Variants in ANAPC7 observed in about 807,000 individuals in gnomAD.
ANAPC7 encodes anaphase-promoting complex subunit 7.
Under a neutral mutation model 63.3 loss-of-function variants are expected in ANAPC7, and 25 were observed. That is an observed-to-expected ratio of 0.39 (90% CI 0.29 to 0.55). ANAPC7 has a LOEUF of 0.55. Among genes scored for constraint, ANAPC7 ranks in the 20% least tolerant of loss-of-function variants. The probability of loss-of-function intolerance (pLI) is 0.57; values close to 1 mark genes in which losing one functional copy is unlikely to be tolerated. For missense variants in ANAPC7, 516 were observed against 691.7 expected (o/e 0.75, Z 2.85); for synonymous variants, 241 against 251.7 (o/e 0.96, Z 0.40).
In ANAPC7 at chr12:110,403,630, T is replaced by G. The variant is rs1203798450; in HGVS notation, c.-3A>C. ...CGCACGTGGTCTATCACATTCATCCTGCTCTGCAAAGCCGCGGGCAGCGGC... is the reference window on the plus strand; with the variant it reads ...CGCACGTGGTCTATCACATTCATCCGGCTCTGCAAAGCCGCGGGCAGCGGC... On this transcript the variant is annotated 5_prime_UTR_variant, in exon 1 of 11. Transcript: ENST00000455511. 1.0e-5 allele frequency: 16 copies of G among 1,599,714 alleles called. No individual in the cohort carries two copies. The highest frequency in any genetic ancestry group is 1.3e-5 in the Non-Finnish European group (15 of 1,173,332).
chr12:110,381,970 A>AAC, intron 7 of ANAPC7, 22 bp from the exon 8 acceptor site: 1 of 1,510,684 alleles, frequency 6.6e-7, no homozygotes, highest in South Asian at 1.3e-5. Context: ...AAAAAAAAAA[A>AAC]AAACACAAAA....
chr12:110,379,495 G>A (rs1881617331), intron 8 of ANAPC7, among the ~76,000 whole-genome samples: 1 of 152,230 alleles, frequency 6.6e-6, no homozygotes, highest in Non-Finnish European at 1.5e-5. Context: ...TAGGCATGCA[G>A]TATAATGGAA....
intron 1 of ANAPC7, among the ~76,000 whole-genome samples, chr12:110,402,303 G>A (rs1004929367): frequency 2.6e-5 from 4 of 152,140 alleles, no homozygotes; most frequent in African/African-American, 9.7e-5. Context: ...AGAGGCCATG[G>A]GAAAGAATTT....
Position 110,381,804 on chromosome 12 carries a change from G to T in ANAPC7, c.1080C>A (p.Ile360=), listed in dbSNP as rs1566263088. 1 of 1,613,978 alleles carries T rather than the reference G, an allele frequency of 6.2e-7. No homozygotes were observed. The highest frequency in any genetic ancestry group is 1.7e-5 in the Admixed American group (1 of 60,008). ...CGAGCCGTATGGCCTCCCGAAAGTG[G>T]ATTATTGCTTCTTGGACTCTGCCCA... ...RNMGRVQEAI[I]HFREAIRLAP... The change falls in exon 8 of 11, where the codon ATC becomes ATA. Residue 360 remains isoleucine (I), a synonymous_variant. Coordinates refer to ENST00000455511, the MANE Select transcript of ANAPC7 (RefSeq NM_016238.3).
At chr12:110,380,187 C>CT (rs1307887066) in intron 8 of ANAPC7, among the ~76,000 whole-genome samples, 1 of 151,912 alleles carries the variant, frequency 6.6e-6, no homozygotes, top group African/African-American at 2.4e-5. Flanking sequence ...CCCATCTCTA[C>CT]TAAAAATACA....
At chr12:110,389,794 T>TGGTGGCGGGCGC (rs1882945588) in intron 3 of ANAPC7, among the ~76,000 whole-genome samples, 1 of 151,672 alleles carries the variant, frequency 6.6e-6, no homozygotes, top group Admixed American at 6.6e-5. Context: ...TAGCTGGGCG[T>TGGTGGCGGGCGC]GGTGGCGGGC....
Position 110,374,034 on chromosome 12 carries a change from A to C in ANAPC7, c.*110T>G. 1.6e-6 allele frequency: 2 copies of C among 1,276,162 alleles called. No homozygotes were observed. The highest frequency in any genetic ancestry group is 4.8e-5 in the Admixed American group (2 of 41,702). 79.1% of individuals were successfully genotyped at this position (1,276,162 alleles called of 1,614,324 possible). ...GCGAGGGGGCAGAGACCCCTGCTGC[A>C]ATCACATGCTGAATCATTGTCCTTC... On this transcript the variant is annotated 3_prime_UTR_variant, in exon 11 of 11. Transcript: ENST00000455511.
At chr12:110,396,116 G>T in intron 2 of ANAPC7, 150 bp downstream of exon 2, 1 of 676,802 alleles carries the variant, frequency 1.5e-6, no homozygotes, top group Non-Finnish European at 2.5e-6. Flanking sequence ...GCGGAGCTCA[G>T]GCAGTAATAT....
chr12:110,375,682 A>G, intron 10 of ANAPC7: 5 of 946,108 alleles, frequency 5.3e-6, no homozygotes, highest in Non-Finnish European at 5.0e-6. Context: ...TCAAGTTCTT[A>G]ATGACTACAG....
chr12:110,386,300 T>C lies in ANAPC7; in HGVS notation c.817+27A>G, dbSNP rs770824248. 4 of 1,613,254 alleles carry C rather than the reference T, an allele frequency of 2.5e-6. No individual in the cohort carries two copies. The Admixed American group carries it at 6.7e-5, about 27-fold the overall frequency. On this transcript the variant is annotated intron_variant, in intron 6 of 10. Transcript: ENST00000455511. ...TCTGATCCCCCCCAACAACAGCCACTGTCTTCCTGCCCCAAGAATTACTTA... is the reference window on the plus strand; with the variant it reads ...TCTGATCCCCCCCAACAACAGCCACCGTCTTCCTGCCCCAAGAATTACTTA...
chr12:110,393,074 C>T lies in ANAPC7; in HGVS notation c.408+2027G>A, dbSNP rs139745807. ...CCTCCCAAAGTGCTGGGATTACAGG[C>T]ATGAGCCACCATGCCCAGCCGACAC... On this transcript the variant is annotated intron_variant, in intron 3 of 10. Coordinates refer to ENST00000455511, the MANE Select transcript of ANAPC7 (RefSeq NM_016238.3). Among the ~76,000 whole-genome samples the T allele has an allele frequency of 9.3e-4, 142 of 152,196 alleles. 1 individual carries two copies. The highest frequency in any genetic ancestry group is 3.2e-3 in the African/African-American group (132 of 41,534).
intron 1 of ANAPC7, among the ~76,000 whole-genome samples, chr12:110,403,290 C>T (rs1222174874): frequency 6.6e-6 from 1 of 152,198 alleles, no homozygotes; most frequent in South Asian, 2.1e-4. Context: ...AGAGCCTCTG[C>T]CTTCTATGTC....
intron 7 of ANAPC7, 109 bp downstream of exon 7, chr12:110,382,734 C>A: frequency 2.2e-6 from 2 of 891,614 alleles, no homozygotes; most frequent in Non-Finnish European, 3.5e-6. Flanking sequence ...CATGCCTGTC[C>A]AGGTGATTAC....
intron 1 of ANAPC7, among the ~76,000 whole-genome samples, chr12:110,397,280 C>T (rs2062156564): frequency 6.9e-6 from 1 of 145,904 alleles, no homozygotes. Context: ...AAAGGCCAGG[C>T]GCGGTGGCTC....
At chr12:110,396,998 TC>T (rs1427462721) in intron 1 of ANAPC7, among the ~76,000 whole-genome samples, 1 of 150,368 alleles carries the variant, frequency 6.7e-6, no homozygotes, top group Non-Finnish European at 1.5e-5. Context: ...GGTCAGGAGA[TC>T]GAGACCATCC....
At position 110,377,587 on chromosome 12, in the gene ANAPC7, C is replaced by T; in HGVS notation, c.1163G>A (p.Ser388Asn). 1 of 1,614,198 alleles carries T rather than the reference C, an allele frequency of 6.2e-7. No homozygotes were observed. Among genetic ancestry groups the T allele is most frequent in the Non-Finnish European group, 8.5e-7 (1 of 1,180,028 alleles). ...GLIECYLASN[S>N]IREAMVMANN... is the part of the protein sequence containing the mutation. ...AGCCATTACCATTGCTTCTCGAATA[C>T]TGTTGGAGGCTAAGTAACATTCGAT... The change falls in exon 9 of 11, where the codon AGT becomes AAT. Residue 388 changes from serine (S) to asparagine (N), a missense_variant. Ser to Asn is a conservative substitution (Grantham distance 46). Around this residue, in one of 4 missense-constraint regions of ANAPC7, gnomAD observed 199 missense variants for 249.3 expected, o/e 0.80. Coordinates refer to ENST00000455511, the MANE Select transcript of ANAPC7 (RefSeq NM_016238.3).
chr12:110,389,979 T>C (rs758154741), intron 3 of ANAPC7, among the ~76,000 whole-genome samples: 27 of 151,120 alleles, frequency 1.8e-4, no homozygotes, highest in Non-Finnish European at 3.4e-4. Context: ...AGCCAGAAAA[T>C]CTAAAAGTTC....
At chr12:110,382,768 T>G in intron 7 of ANAPC7, 75 bp downstream of exon 7, 1 of 1,273,792 alleles carries the variant, frequency 7.9e-7, no homozygotes, top group Non-Finnish European at 1.1e-6. Flanking sequence ...GCTTTCAATT[T>G]ATATTCTCTT....
At chr12:110,375,781 T>C (rs1396286056) in intron 10 of ANAPC7, 10 of 1,078,682 alleles carry the variant, frequency 9.3e-6, no homozygotes, top group Non-Finnish European at 1.1e-5. Flanking sequence ...TATAAAAATA[T>C]GTGTGTGTGG....
Sources: gnomAD v4.1 joint callset for allele counts (sites outside exome capture counted in the v4.1 genomes callset) on GRCh38, gnomAD v4.1.1 for gene constraint, gnomAD v4.1.1 regional missense constraint, MANE v1.5 for transcripts, NCBI Gene and HGNC (gene_info 2026-07-23, HGNC 2026-07-21) for gene names.